SPECC1: variants seen among roughly 807,000 people sequenced by gnomAD.
The protein encoded by SPECC1 is sperm antigen with calponin homology and coiled-coil domains 1, also known as cytospin-B.
In SPECC1, 62 loss-of-function variants were observed where a neutral mutation model predicts 104.1. The observed-to-expected ratio is 0.60, with a 90% CI of 0.49 to 0.74. The LOEUF (loss-of-function observed/expected upper bound fraction) is 0.74, where lower values mean the gene tolerates loss of function less well. SPECC1 is among the 30% of genes least tolerant of loss of function. The pLI, the probability that SPECC1 is intolerant of heterozygous loss-of-function variation, is 0.00. For synonymous variants in SPECC1, 513 were observed against 501.6 expected, an observed-to-expected ratio of 1.02 and a Z score of -0.30; for missense variants, 1,306 against 1,310.5, an observed-to-expected ratio of 1.00 and a Z score of 0.05.
chr17:20,142,426 A>G (rs1471104904), intron 3 of SPECC1, among the ~76,000 whole-genome samples: 1 of 152,226 alleles, frequency 6.6e-6, no homozygotes, highest in African/African-American at 2.4e-5. Context: ...CCAAGTGTCC[A>G]TCAACAGATG....
At chr17:20,289,167 G>A (rs1206167321) in intron 12 of SPECC1, among the ~76,000 whole-genome samples, 1 of 152,186 alleles carries the variant, frequency 6.6e-6, no homozygotes, top group African/African-American at 2.4e-5. Context: ...CTCATGAGAT[G>A]TTGTGAGACT....
At position 20,176,880 on chromosome 17, in the gene SPECC1, C is replaced by T. The variant is rs141388052; in HGVS notation, c.284-27453C>T. Among the ~76,000 whole-genome samples, 667 of 152,306 alleles carry T rather than the reference C, an allele frequency of 4.4e-3. 4 individuals are homozygous for T. Among genetic ancestry groups the T allele is most frequent in the African/African-American group, 0.015 (626 of 41,560 alleles). ...AAATCCCTTTGTTGTGTGACATACT[C>T]ACAGGTTCTAGGGATTAGGATGTGG... is the stretch of plus-strand genomic sequence containing the variant. On this transcript the variant is annotated intron_variant, in intron 3 of 14. Transcript: ENST00000395527.
chr17:20,230,745 T>C (rs746408723), intron 5 of SPECC1, among the ~76,000 whole-genome samples: 1 of 152,208 alleles, frequency 6.6e-6, no homozygotes, highest in Non-Finnish European at 1.5e-5. Flanking sequence ...TGTTAAGATA[T>C]GTTTTTGCAC....
intron 3 of SPECC1, among the ~76,000 whole-genome samples, chr17:20,140,316 T>A (rs1486029427): frequency 6.6e-6 from 1 of 152,194 alleles, no homozygotes; most frequent in Non-Finnish European, 1.5e-5. Flanking sequence ...CTCCTATGAT[T>A]TCCAGTTTTA....
intron 3 of SPECC1, among the ~76,000 whole-genome samples, chr17:20,163,843 G>A (rs2033397897): frequency 1.3e-5 from 2 of 152,100 alleles, no homozygotes; most frequent in East Asian, 1.9e-4. Context: ...TTTTATAGGT[G>A]TGAGCCACAG....
intron 3 of SPECC1, among the ~76,000 whole-genome samples, chr17:20,135,224 T>C (rs1000208781): frequency 2.0e-5 from 3 of 152,214 alleles, no homozygotes; most frequent in Admixed American, 6.5e-5. Flanking sequence ...GTGAAAGTAC[T>C]GTTCCTAAGC....
intron 1 of SPECC1, among the ~76,000 whole-genome samples, chr17:20,046,451 C>T (rs952359494): frequency 1.3e-5 from 2 of 152,092 alleles, no homozygotes; most frequent in African/African-American, 4.8e-5. Context: ...CTGAACTATG[C>T]CCTGTTCTAT....
At chr17:20,304,231 A>T (rs1281938578) in intron 13 of SPECC1, among the ~76,000 whole-genome samples, 2 of 151,368 alleles carry the variant, frequency 1.3e-5, no homozygotes, top group Non-Finnish European at 2.9e-5. Context: ...CAGAGGTTGC[A>T]GTGAGCTGAG....
At position 20,204,736 on chromosome 17, in the gene SPECC1, TGAG is replaced by T. The variant is rs149577639; in HGVS notation, c.691_693del (p.Glu231del). 4,760 of 1,614,046 alleles carry T rather than the reference TGAG, an allele frequency of 2.9e-3. 248 individuals carry two copies. The East Asian group carries it at 0.1, about 34-fold the overall frequency. On this transcript the variant is annotated inframe_deletion, in exon 4 of 15. Coordinates refer to ENST00000395527, the MANE Select transcript of SPECC1 (RefSeq NM_001243439.2). Reference sequence around the variant, plus strand: ...ACACGGAACCTATGATAAGAGCTCTTGAGGAGAAGAACAAGAACTTTCAGAAAG... The same window carrying T: ...ACACGGAACCTATGATAAGAGCTCTTGAGAAGAACAAGAACTTTCAGAAAG...
chr17:20,239,963 G>A (rs2039123948), intron 7 of SPECC1, among the ~76,000 whole-genome samples: 1 of 133,132 alleles, frequency 7.5e-6, no homozygotes, highest in African/African-American at 2.9e-5. Flanking sequence ...GTACAGTCAT[G>A]GCTCACTGCA....
At chr17:20,310,865 A>G (rs979535733) in intron 14 of SPECC1, among the ~76,000 whole-genome samples, 3 of 151,724 alleles carry the variant, frequency 2.0e-5, no homozygotes, top group Non-Finnish European at 1.5e-5. Flanking sequence ...TTTGTTTTTC[A>G]TATTTACTGT....
At chr17:20,264,198 C>T (rs926129419) in intron 12 of SPECC1, among the ~76,000 whole-genome samples, 3 of 152,008 alleles carry the variant, frequency 2.0e-5, no homozygotes, top group Non-Finnish European at 4.4e-5. Context: ...CAAAATACAG[C>T]GTGAAAGGTT....
intron 3 of SPECC1, among the ~76,000 whole-genome samples, chr17:20,148,705 A>G (rs2031702053): frequency 6.6e-6 from 1 of 151,920 alleles, no homozygotes; most frequent in South Asian, 2.1e-4. Flanking sequence ...TTGTTTATGT[A>G]CAAAAATTTA....
chr17:20,251,224 C>CAAAAAAAACAAAAAAA (rs2039617376), intron 9 of SPECC1, among the ~76,000 whole-genome samples: 1 of 51,044 alleles, frequency 2.0e-5, no homozygotes, highest in African/African-American at 9.5e-5. Context: ...GACTCTATCT[C>CAAAAAAAACAAAAAAA]AAAAAAAAAA....
At chr17:20,303,907 C>A (rs907355688) in intron 13 of SPECC1, among the ~76,000 whole-genome samples, 1 of 151,674 alleles carries the variant, frequency 6.6e-6, no homozygotes, top group African/African-American at 2.4e-5. Context: ...GAGCCGAGAT[C>A]GTGCCACTGC....
chr17:20,234,764 C>T (rs2038807294), intron 7 of SPECC1, among the ~76,000 whole-genome samples: 1 of 152,216 alleles, frequency 6.6e-6, no homozygotes. Flanking sequence ...TCCGTGGGCA[C>T]TCACAGGGTT....
intron 3 of SPECC1, among the ~76,000 whole-genome samples, chr17:20,198,625 A>C (rs2036199158): frequency 6.6e-6 from 1 of 152,228 alleles, no homozygotes; most frequent in South Asian, 2.1e-4. Flanking sequence ...TTACCCAAGA[A>C]GGCCTTTACT....
intron 1 of SPECC1, among the ~76,000 whole-genome samples, chr17:20,079,536 C>T (rs1055686937): frequency 4.4e-5 from 6 of 137,466 alleles, no homozygotes; most frequent in South Asian, 2.2e-4. Context: ...GTGATCCTCC[C>T]ACCTTGGCCT....
intron 12 of SPECC1, among the ~76,000 whole-genome samples, chr17:20,285,860 T>G (rs1414765038): frequency 1.3e-5 from 2 of 151,488 alleles, no homozygotes; most frequent in African/African-American, 2.4e-5. Flanking sequence ...CCACCCAGGT[T>G]GGAGTGAAGT....
Sources: gnomAD v4.1 joint callset for allele counts (sites outside exome capture counted in the v4.1 genomes callset) on GRCh38, gnomAD v4.1.1 for gene constraint, MANE v1.5 for transcripts, NCBI Gene and HGNC (gene_info 2026-07-23, HGNC 2026-07-21) for gene names.